BCAT1: variants seen among roughly 807,000 people sequenced by gnomAD.
BCAT1 encodes the protein branched-chain-amino-acid aminotransferase, cytosolic.
Under a neutral mutation model 52.4 loss-of-function variants are expected in BCAT1, and 48 were observed. The ratio of observed to expected loss-of-function variants is 0.92; its 90% CI spans 0.73 to 1.16. BCAT1 has a LOEUF of 1.16. Among genes scored for constraint, BCAT1 ranks in the 50% most tolerant of loss-of-function variants. The pLI, the probability that BCAT1 is intolerant of heterozygous loss-of-function variation, is 0.00. For synonymous variants in BCAT1, 167 were observed against 161.3 expected (o/e 1.04, Z -0.27); for missense variants, 451 against 457.1 (o/e 0.99, Z 0.12).
At chr12:24,895,267 A>C (rs1942933373) in intron 2 of BCAT1, among the ~76,000 whole-genome samples, 1 of 152,150 alleles carries the variant, frequency 6.6e-6, no homozygotes, top group Non-Finnish European at 1.5e-5. Flanking sequence ...TGACAAAAAC[A>C]CAGGAGACCA....
intron 10 of BCAT1, among the ~76,000 whole-genome samples, chr12:24,819,498 A>T (rs1940023044): frequency 1.3e-5 from 2 of 152,122 alleles, no homozygotes; most frequent in Non-Finnish European, 2.9e-5. Flanking sequence ...TCCAGGAGTG[A>T]TCTCTTTTGA....
intron 10 of BCAT1, among the ~76,000 whole-genome samples, chr12:24,818,554 C>T (rs568730668): frequency 6.6e-6 from 1 of 152,302 alleles, no homozygotes; most frequent in South Asian, 2.1e-4. Flanking sequence ...TTCCAGCAAC[C>T]TGTGATTCAG....
At chr12:24,909,330 T>G (rs1187120721) in intron 1 of BCAT1, among the ~76,000 whole-genome samples, 3 of 152,156 alleles carry the variant, frequency 2.0e-5, no homozygotes, top group Non-Finnish European at 4.4e-5. Context: ...ATGTCACGTC[T>G]CTGGAAAAGT....
At chr12:24,889,419 A>G (rs1248339494) in intron 3 of BCAT1, among the ~76,000 whole-genome samples, 1 of 152,148 alleles carries the variant, frequency 6.6e-6, no homozygotes, top group Non-Finnish European at 1.5e-5. Flanking sequence ...ATGGCCGAAC[A>G]ATATTTCCAG....
At chr12:24,902,819 C>A in intron 1 of BCAT1, 2 of 1,311,950 alleles carry the variant, frequency 1.5e-6, no homozygotes, top group Non-Finnish European at 2.0e-6. Context: ...TCGCTGGAGG[C>A]GGAATGGAGG....
At chr12:24,886,988 A>G (rs1942680513) in intron 3 of BCAT1, among the ~76,000 whole-genome samples, 1 of 143,992 alleles carries the variant, frequency 6.9e-6, no homozygotes, top group Non-Finnish European at 1.5e-5. Context: ...GCTTGAACCC[A>G]GGAGGTGGAG....
At chr12:24,938,286 G>A (rs1332312908) in intron 1 of BCAT1, among the ~76,000 whole-genome samples, 2 of 152,190 alleles carry the variant, frequency 1.3e-5, no homozygotes, top group Non-Finnish European at 2.9e-5. Context: ...GAGAAAATGA[G>A]CAGCTTCCAC....
chr12:24,911,437 G>A (rs1274935928), intron 1 of BCAT1, among the ~76,000 whole-genome samples: 1 of 152,206 alleles, frequency 6.6e-6, no homozygotes, highest in African/African-American at 2.4e-5. Flanking sequence ...TCAGGACCCT[G>A]CTCGAAGTTT....
At chr12:24,822,068 A>G (rs1277915290) in intron 10 of BCAT1, among the ~76,000 whole-genome samples, 2 of 152,206 alleles carry the variant, frequency 1.3e-5, no homozygotes, top group African/African-American at 2.4e-5. Context: ...ACAGTAAGGA[A>G]TTTAACAGTA....
At chr12:24,828,615 T>G (rs547171542) in intron 10 of BCAT1, among the ~76,000 whole-genome samples, 77 of 152,188 alleles carry the variant, frequency 5.1e-4, no homozygotes, top group Non-Finnish European at 9.3e-4. Flanking sequence ...AGAAAACTAC[T>G]TATTGATATA....
chr12:24,900,020 C>A (rs899148891), intron 2 of BCAT1, among the ~76,000 whole-genome samples: 2 of 151,812 alleles, frequency 1.3e-5, no homozygotes, highest in African/African-American at 4.9e-5. Flanking sequence ...TAGTTAACAA[C>A]AATGTAGGCT....
chr12:24,887,080 A>AAAAAAATATATATAT (rs1245203518), intron 3 of BCAT1, among the ~76,000 whole-genome samples: 2 of 40,746 alleles, frequency 4.9e-5, no homozygotes, highest in Non-Finnish European at 1.0e-4. Context: ...AAAAAAAAAA[A>AAAAAAATATATATAT]ATATATATAT....
chr12:24,829,346 C>T (rs11047666), intron 10 of BCAT1, among the ~76,000 whole-genome samples: 21,398 of 151,854 alleles, frequency 0.14, 1,906 homozygotes, highest in Middle Eastern at 0.23. Flanking sequence ...ATCGTGCCAT[C>T]GTACTCCAGC....
intron 5 of BCAT1, among the ~76,000 whole-genome samples, chr12:24,861,660 TG>T (rs1434513831): frequency 6.6e-6 from 1 of 152,196 alleles, no homozygotes; most frequent in African/African-American, 2.4e-5. Flanking sequence ...AGGGTCCCTT[TG>T]GGGGTATTGG....
At position 24,902,035 on chromosome 12, in the gene BCAT1, G is replaced by A. The variant is rs1224916034; in HGVS notation, c.7-150C>T. ...GAGGCTCAGACAACCAAGCACCCAG[G>A]CCCGAACCTCCAACAAGCGTGTCTT... On this transcript the variant is annotated intron_variant, in intron 1 of 10. Coordinates refer to ENST00000261192, the MANE Select transcript of BCAT1 (RefSeq NM_005504.7). 5.8e-6 allele frequency: 9 copies of A among 1,557,576 alleles called. No homozygotes were observed. The East Asian group carries it at 2.1e-4, about 37-fold the overall frequency.
intron 5 of BCAT1, among the ~76,000 whole-genome samples, chr12:24,864,151 A>T (rs1320620452): frequency 6.6e-6 from 1 of 152,178 alleles, no homozygotes; most frequent in East Asian, 1.9e-4. Flanking sequence ...TTACAAAAAA[A>T]GTTTGCTAAT....
At chr12:24,865,977 G>A (rs1011855690) in intron 5 of BCAT1, among the ~76,000 whole-genome samples, 5 of 152,348 alleles carry the variant, frequency 3.3e-5, no homozygotes, top group South Asian at 2.1e-4. Flanking sequence ...TTCTGACCGC[G>A]CTTGAGGAGC....
chr12:24,924,081 TCTC>T (rs1158821562), intron 1 of BCAT1, among the ~76,000 whole-genome samples: 1 of 149,664 alleles, frequency 6.7e-6, no homozygotes, highest in African/African-American at 2.4e-5. Context: ...TAATATACAT[TCTC>T]GTTTCCTCCC....
At chr12:24,910,336 C>T (rs1000689778) in intron 1 of BCAT1, among the ~76,000 whole-genome samples, 14 of 151,652 alleles carry the variant, frequency 9.2e-5, no homozygotes, top group Admixed American at 2.0e-4. Flanking sequence ...GAGATCATGC[C>T]GCTGCACTCC....
Sources: gnomAD v4.1 joint callset for allele counts (sites outside exome capture counted in the v4.1 genomes callset) on GRCh38, gnomAD v4.1.1 for gene constraint, MANE v1.5 for transcripts, NCBI Gene and HGNC (gene_info 2026-07-23, HGNC 2026-07-21) for gene names.